Variants in PCDHGB2 observed in about 807,000 individuals in gnomAD.
The protein encoded by PCDHGB2 is protocadherin gamma subfamily B, 2.
In PCDHGB2, 55 loss-of-function variants were observed where a neutral mutation model predicts 59.3. The observed-to-expected ratio is 0.93, with a 90% CI of 0.75 to 1.16. The LOEUF (loss-of-function observed/expected upper bound fraction) is 1.16. PCDHGB2 is among the 50% of genes most tolerant of loss of function. The pLI is 0.00. For missense variants in PCDHGB2, 1,228 were observed against 1,198.5 expected, an observed-to-expected ratio of 1.02 and a Z score of -0.36; for synonymous variants, 516 against 512.0, an observed-to-expected ratio of 1.01 and a Z score of -0.11.
intron 1 of PCDHGB2, among the ~76,000 whole-genome samples, chr5:141,406,035 T>C (rs989362338): frequency 4.6e-5 from 7 of 151,898 alleles, no homozygotes; most frequent in Non-Finnish European, 1.0e-4. Flanking sequence ...GGTTGCTTCA[T>C]TGGTTGCAGT....
intron 1 of PCDHGB2, chr5:141,371,519 T>C (rs1767815270): frequency 3.1e-6 from 5 of 1,613,838 alleles, no homozygotes; most frequent in Middle Eastern, 1.6e-4. Context: ...ATGATCTAGA[T>C]TCTGGATTTA....
At chr5:141,366,039 A>G (rs781015607) in intron 1 of PCDHGB2, 15 of 1,614,136 alleles carry the variant, frequency 9.3e-6, no homozygotes, top group Non-Finnish European at 1.2e-5. Context: ...CTCCCCACAG[A>G]CGGTTCCACG....
Position 141,494,830 on chromosome 5 carries a change from G to C in PCDHGB2, c.2445G>C (p.Trp815Cys), listed in dbSNP as rs2099757104. Residue 815 changes from tryptophan (W) to cysteine (C), a missense_variant, in exon 2 of 4, where the codon TGG (tryptophan) becomes TGC (cysteine). Coordinates refer to ENST00000522605, the MANE Select transcript of PCDHGB2 (RefSeq NM_018923.3). ...AGCAAGCCCCGCCCAACACGGACTG[G>C]CGTTTCTCTCAGGCCCAGAGACCCG... The part of the protein sequence containing the change: ...ILKQAPPNTD[W>C]RFSQAQRPGT... 6.2e-7 allele frequency: 1 copy of C among 1,614,098 alleles called. No homozygotes were observed. The highest frequency in any genetic ancestry group is 2.2e-5 in the East Asian group (1 of 44,862).
At position 141,487,254 on chromosome 5, in the gene PCDHGB2, C is replaced by T. The variant is rs1341564301; in HGVS notation, c.2422-7553C>T. On this transcript the variant is annotated intron_variant, in intron 1 of 3. Coordinates refer to ENST00000522605, the MANE Select transcript of PCDHGB2 (RefSeq NM_018923.3). The surrounding 1 kb of genome is among the most constrained non-coding windows in gnomAD (Gnocchi z 5.0). Reference sequence around the variant, plus strand: ...GAATCTCGTCTAACCCTCTACTTGGCTGTGTCCCTAGTGGCAATTTGCTTT... The same window carrying T: ...GAATCTCGTCTAACCCTCTACTTGGTTGTGTCCCTAGTGGCAATTTGCTTT... The T allele has an allele frequency of 1.2e-6, 2 of 1,614,126 alleles. No homozygotes were observed. Among genetic ancestry groups the T allele is most frequent in the East Asian group, 4.5e-5 (2 of 44,860 alleles).
In PCDHGB2 at chr5:141,461,484, T is replaced by C. The variant is rs1171584384; in HGVS notation, c.2422-33323T>C. On this transcript the variant is annotated intron_variant, in intron 1 of 3. Transcript: ENST00000522605. ...GTCCTTTGCCTACTTTTTAATGGGATTGTGTTTTATTTTTCTTGGTGATTT... is the reference window on the plus strand; with the variant it reads ...GTCCTTTGCCTACTTTTTAATGGGACTGTGTTTTATTTTTCTTGGTGATTT... 2.6e-5 allele frequency among the ~76,000 whole-genome samples: 4 copies of C among 152,152 alleles called. No homozygotes were observed. In the East Asian group the frequency reaches 7.7e-4, roughly 29 times the overall value.
intron 1 of PCDHGB2, chr5:141,409,917 C>G: frequency 6.2e-7 from 1 of 1,613,376 alleles, no homozygotes; most frequent in South Asian, 1.1e-5. Flanking sequence ...CCTGACGGCT[C>G]CGCGTTCTTC....
chr5:141,508,979 G>A (rs1317798009), intron 3 of PCDHGB2, among the ~76,000 whole-genome samples: 1 of 152,110 alleles, frequency 6.6e-6, no homozygotes, highest in Non-Finnish European at 1.5e-5. Context: ...GCTGGGGGTG[G>A]GGGCCAGCTG....
At chr5:141,394,769 C>A in intron 1 of PCDHGB2, 1 of 1,613,514 alleles carries the variant, frequency 6.2e-7, no homozygotes, top group African/African-American at 1.3e-5. Context: ...ATGGCCAGCC[C>A]CCTCTCTCCG....
intron 1 of PCDHGB2, among the ~76,000 whole-genome samples, chr5:141,450,099 C>T (rs2098669229): frequency 6.6e-6 from 1 of 151,500 alleles, no homozygotes; most frequent in African/African-American, 2.4e-5. Flanking sequence ...CTCCGCCTCC[C>T]AGGTTCAAAT....
chr5:141,499,104 C>A (rs2099789508), intron 2 of PCDHGB2, among the ~76,000 whole-genome samples: 1 of 152,120 alleles, frequency 6.6e-6, no homozygotes, highest in African/African-American at 2.4e-5. Flanking sequence ...CTTCTCCTCC[C>A]CACCACTATC....
chr5:141,404,992 C>G (rs2094593837), intron 1 of PCDHGB2: 5 of 1,613,876 alleles, frequency 3.1e-6, no homozygotes, highest in Admixed American at 3.3e-5. Context: ...GTCTTCAGAT[C>G]CCTGCAGACC....
At position 141,493,061 on chromosome 5, in the gene PCDHGB2, C is replaced by G. The variant is rs1386090478; in HGVS notation, c.2422-1746C>G. On this transcript the variant is annotated intron_variant, in intron 1 of 3. Transcript: ENST00000522605. The surrounding 1 kb of genome is among the most constrained non-coding windows in gnomAD (Gnocchi z 4.3). The stretch of plus-strand genomic sequence containing the variant: ...GAGGAAACTACAATAGTAAAAAACA[C>G]AAGTTTCTCCAACTCCAGGAGCTTT... Among the ~76,000 whole-genome samples the G allele has an allele frequency of 6.6e-6, 1 of 152,228 alleles. No individual in the cohort carries two copies. Among genetic ancestry groups the G allele is most frequent in the African/African-American group, 2.4e-5 (1 of 41,446 alleles).
chr5:141,406,796 T>C (rs1010773625), intron 1 of PCDHGB2, among the ~76,000 whole-genome samples: 7 of 152,362 alleles, frequency 4.6e-5, no homozygotes, highest in Admixed American at 1.3e-4. Flanking sequence ...TATTTCTGGC[T>C]CAATTCTCCA....
At chr5:141,412,406 G>T (rs1278637068) in intron 1 of PCDHGB2, 1 of 152,046 alleles carries the variant, frequency 6.6e-6, no homozygotes, top group African/African-American at 2.4e-5. Context: ...ATCCCTGTAA[G>T]ATAAAGTATG....
intron 1 of PCDHGB2, among the ~76,000 whole-genome samples, chr5:141,437,526 G>A (rs1199002765): frequency 1.3e-5 from 2 of 152,160 alleles, no homozygotes; most frequent in East Asian, 3.8e-4. Context: ...GATGACAAAT[G>A]AGCAAATTGT....
intron 1 of PCDHGB2, chr5:141,427,749 A>G (rs770208196): frequency 4.6e-6 from 6 of 1,299,142 alleles, no homozygotes; most frequent in South Asian, 2.4e-5. Context: ...CTCCTACTCC[A>G]TCGTTACCAC....
intron 1 of PCDHGB2, chr5:141,400,218 G>C (rs2093982352): frequency 6.2e-7 from 1 of 1,613,932 alleles, no homozygotes; most frequent in Admixed American, 1.7e-5. Context: ...TGATCTCAGT[G>C]CTCTTCCTCC....
At chr5:141,503,745 G>A (rs1377110427) in intron 2 of PCDHGB2, among the ~76,000 whole-genome samples, 3 of 152,220 alleles carry the variant, frequency 2.0e-5, no homozygotes, top group South Asian at 2.1e-4. Flanking sequence ...ATGGTATAGA[G>A]GTCACACATG....
rs777856819 is a variant in PCDHGB2, at chr5:141,487,572, T to A, written c.2422-7235T>A. On this transcript the variant is annotated intron_variant, in intron 1 of 3. Coordinates refer to ENST00000522605, the MANE Select transcript of PCDHGB2 (RefSeq NM_018923.3). The surrounding 1 kb of genome is among the most constrained non-coding windows in gnomAD (Gnocchi z 5.0). ...AGTGCACCTATGGCAGGGGAGCCTG[T>A]TCGCCCAAGCTGCCCACCCTCTGAT... 1 of 1,614,168 alleles carries A rather than the reference T, an allele frequency of 6.2e-7. No individual in the cohort carries two copies. Among genetic ancestry groups the A allele is most frequent in the Non-Finnish European group, 8.5e-7 (1 of 1,180,034 alleles).
Sources: allele counts gnomAD v4.1 joint callset (sites outside exome capture counted in the v4.1 genomes callset), GRCh38; gene constraint gnomAD v4.1.1; non-coding constraint Gnocchi (gnomAD v3.1); transcripts MANE v1.5; gene names NCBI Gene and HGNC (gene_info 2026-07-23, HGNC 2026-07-21).